The following TPO variants were observed in gnomAD, a reference collection of about 807,000 sequenced individuals.
The protein encoded by TPO is thyroid peroxidase.
In TPO, 78 loss-of-function variants were observed where a neutral mutation model predicts 96.9. That is an observed-to-expected ratio of 0.81 (90% CI 0.67 to 0.97). The LOEUF is 0.97. Ranked by LOEUF, TPO falls within the 50% of genes least tolerant of loss-of-function variation. TPO has a pLI of 0.00. For synonymous variants in TPO, 547 were observed against 538.0 expected (o/e 1.02, Z -0.23); for missense variants, 1,252 against 1,274.8 (o/e 0.98, Z 0.27).
At chr2:1,529,295 TCCCC>T (rs1431575261) in intron 15 of TPO, among the ~76,000 whole-genome samples, 42 of 67,386 alleles carry the variant, frequency 6.2e-4, no homozygotes, top group African/African-American at 7.7e-4. Flanking sequence ...GTGTGCAACC[TCCCC>T]AAATCCCCCC....
At chr2:1,393,249 CCACCAGATCT>C (rs1430269579) in intron 1 of TPO, among the ~76,000 whole-genome samples, 1 of 152,130 alleles carries the variant, frequency 6.6e-6, no homozygotes, top group Non-Finnish European at 1.5e-5. Flanking sequence ...CACACTTCAA[CCACCAGATCT>C]CACAAGAACT....
chr2:1,413,812 A>C (rs1356562032), intron 1 of TPO: 1 of 896,784 alleles, frequency 1.1e-6, no homozygotes, highest in Non-Finnish European at 1.3e-6. Flanking sequence ...CTGCTTAACA[A>C]AATTAGTGGC....
At chr2:1,463,833 C>T (rs1668660155) in intron 7 of TPO, among the ~76,000 whole-genome samples, 1 of 152,180 alleles carries the variant, frequency 6.6e-6, no homozygotes, top group African/African-American at 2.4e-5. Flanking sequence ...CTCATGCACA[C>T]CAATGTGTAT....
intron 15 of TPO, among the ~76,000 whole-genome samples, chr2:1,524,161 A>C (rs1475341575): frequency 2.2e-4 from 14 of 63,332 alleles, no homozygotes; most frequent in African/African-American, 4.0e-4. Context: ...AAAATCCCCC[A>C]AACTGTGTGC....
intron 1 of TPO, among the ~76,000 whole-genome samples, chr2:1,396,054 C>G (rs1662075885): frequency 6.6e-6 from 1 of 152,192 alleles, no homozygotes; most frequent in Non-Finnish European, 1.5e-5. Context: ...AATCCAGATG[C>G]TTCCTGTGAG....
chr2:1,441,417 C>T (rs188042238), intron 5 of TPO, among the ~76,000 whole-genome samples: 58 of 152,300 alleles, frequency 3.8e-4, no homozygotes, highest in African/African-American at 7.9e-4. Flanking sequence ...TGTGCATGCA[C>T]GGCAAGCTGG....
intron 6 of TPO, among the ~76,000 whole-genome samples, chr2:1,455,501 C>G (rs1254105857): frequency 6.6e-6 from 1 of 152,222 alleles, no homozygotes; most frequent in African/African-American, 2.4e-5. Flanking sequence ...AAATTCCTCT[C>G]CATCTGGACC....
chr2:1,517,078 AAC>A, intron 15 of TPO, 96 bp downstream of exon 15: 1 of 1,289,944 alleles, frequency 7.8e-7, no homozygotes, highest in Non-Finnish European at 1.1e-6. Context: ...TCCCGAAGCT[AAC>A]ACAGGTTACT....
chr2:1,517,542 A>G (rs72776248), intron 15 of TPO, among the ~76,000 whole-genome samples: 21,943 of 150,978 alleles, frequency 0.15, 1,718 homozygotes, highest in Non-Finnish European at 0.15. Flanking sequence ...GCCCTGAGGA[A>G]CCGGCTCTGT....
Position 1,477,676 on chromosome 2 carries a change from C to T in TPO, c.1338+72C>T, listed in dbSNP as rs548254437. ...GGGGGCGCCTCGTGTGGGTGCGCAG[C>T]ATCGTGGCTTCTCTCTCCCAGGTAC... is the stretch of plus-strand genomic sequence containing the variant. On this transcript the variant is annotated intron_variant, in intron 8 of 16. Coordinates refer to ENST00000329066, the MANE Select transcript of TPO (RefSeq NM_001206744.2). 393 of 1,417,754 alleles carry T rather than the reference C, an allele frequency of 2.8e-4. 3 individuals carry two copies. The highest frequency in any genetic ancestry group is 2.3e-3 in the Middle Eastern group (9 of 3,884). The allele number at this position is 1,417,754 out of a possible 1,614,324, so 87.8% of individuals were successfully genotyped here.
chr2:1,515,861 C>T (rs114569035), intron 14 of TPO, among the ~76,000 whole-genome samples: 29 of 151,968 alleles, frequency 1.9e-4, no homozygotes, highest in Admixed American at 2.0e-4. Flanking sequence ...TTCAACCACA[C>T]GTGATGATGT....
chr2:1,505,218 C>T (rs939730187), intron 14 of TPO, among the ~76,000 whole-genome samples: 3 of 152,208 alleles, frequency 2.0e-5, no homozygotes, highest in South Asian at 4.1e-4. Context: ...TGGCACGTCC[C>T]CCACTCCTGT....
chr2:1,392,621 A>C (rs1049707036), intron 1 of TPO, among the ~76,000 whole-genome samples: 1 of 152,064 alleles, frequency 6.6e-6, no homozygotes, highest in African/African-American at 2.4e-5. Flanking sequence ...TCGGCTGTGA[A>C]TCTCTCTGGT....
intron 15 of TPO, among the ~76,000 whole-genome samples, chr2:1,519,116 C>T (rs1011338037): frequency 3.3e-5 from 5 of 152,142 alleles, no homozygotes; most frequent in East Asian, 1.9e-4. Flanking sequence ...GGAGGGAGGC[C>T]GGGGGAGCCG....
chr2:1,538,063 CA>C (rs1197229211), intron 15 of TPO, among the ~76,000 whole-genome samples: 1 of 94,482 alleles, frequency 1.1e-5, no homozygotes, highest in East Asian at 2.3e-4. Flanking sequence ...TCAAATCCCC[CA>C]CACTGTGTGC....
rs1282239122 is a variant in TPO, at chr2:1,520,823, T to C, written c.2618+3841T>C. Among the ~76,000 whole-genome samples the C allele has an allele frequency of 7.9e-5, 12 of 152,226 alleles. 1 individual carries two copies. The highest frequency in any genetic ancestry group is 7.8e-4 in the Admixed American group (12 of 15,288). On this transcript the variant is annotated intron_variant, in intron 15 of 16. Coordinates refer to ENST00000329066, the MANE Select transcript of TPO (RefSeq NM_001206744.2). ...GTTTTGCCAATTAGACCTTTCGCCA[T>C]GGAGGTGTTTTCCTTTGTGTTATGA...
At chr2:1,521,560 AG>A (rs1220406513) in intron 15 of TPO, among the ~76,000 whole-genome samples, 1 of 152,092 alleles carries the variant, frequency 6.6e-6, no homozygotes, top group Non-Finnish European at 1.5e-5. Flanking sequence ...CTTGAGATGG[AG>A]TCTGAAGCTT....
intron 7 of TPO, among the ~76,000 whole-genome samples, chr2:1,461,941 C>T (rs1248990874): frequency 6.6e-6 from 1 of 152,170 alleles, no homozygotes; most frequent in East Asian, 1.9e-4. Flanking sequence ...GGCACTGGCT[C>T]CTTCGGGGCT....
chr2:1,483,893 A>G (rs1220936490), intron 8 of TPO, among the ~76,000 whole-genome samples: 1 of 152,216 alleles, frequency 6.6e-6, no homozygotes, highest in African/African-American at 2.4e-5. Context: ...TGTAAATAAT[A>G]TTGGTTATTT....
Sources: allele counts gnomAD v4.1 joint callset (sites outside exome capture counted in the v4.1 genomes callset), GRCh38; gene constraint gnomAD v4.1.1; transcripts MANE v1.5; gene names NCBI Gene and HGNC (gene_info 2026-07-23, HGNC 2026-07-21).